The following HS6ST2 variants were observed in gnomAD, a reference collection of about 807,000 sequenced individuals.
HS6ST2 encodes heparan sulfate 6-O-sulfotransferase 2.
HS6ST2 carries 17 observed loss-of-function variants against 33.0 expected under a neutral mutation model. The ratio of observed to expected loss-of-function variants is 0.52; its 90% CI spans 0.35 to 0.77. HS6ST2 has a LOEUF of 0.77. HS6ST2 is among the 30% of genes least tolerant of loss of function. The probability of loss-of-function intolerance (pLI) is 0.01; values close to 1 mark genes in which losing one functional copy is unlikely to be tolerated. For synonymous variants in HS6ST2, 248 were observed against 237.1 expected (o/e 1.05, Z -0.42); for missense variants, 519 against 551.7 (o/e 0.94, Z 0.59).
intron 2 of HS6ST2, among the ~76,000 whole-genome samples, chrX:132,895,311 A>G (rs2066363324): frequency 1.8e-5 from 2 of 111,678 alleles, no homozygotes; most frequent in South Asian, 3.7e-4. Context: ...TAGCCTCATT[A>G]CAGAAAGCAG....
intron 2 of HS6ST2, among the ~76,000 whole-genome samples, chrX:132,938,169 A>G (rs1370232683): frequency 1.8e-5 from 2 of 109,115 alleles, no homozygotes; most frequent in Non-Finnish European, 1.9e-5. Flanking sequence ...CTCAAAAAAA[A>G]AAAAACAAAT....
intron 3 of HS6ST2, among the ~76,000 whole-genome samples, chrX:132,674,764 G>A (rs2063910466): frequency 8.9e-6 from 1 of 111,948 alleles, no homozygotes; most frequent in Non-Finnish European, 1.9e-5. Context: ...CCAATAGAAC[G>A]GTATCTAACA....
Position 132,827,413 on chromosome X carries a change from A to G in HS6ST2, c.948-118919T>C, listed in dbSNP as rs182230886. 1.4e-4 allele frequency among the ~76,000 whole-genome samples: 15 copies of G among 110,966 alleles called. No homozygotes were observed. The East Asian group carries it at 4.3e-3, about 32-fold the overall frequency. ...GATAAGTGACAGTTTGTTATGGCAC[A>G]GGATGTTACAGCAAAGGACGAGAAA... On this transcript the variant is annotated intron_variant, in intron 2 of 4. Coordinates refer to ENST00000370833, the MANE Select transcript of HS6ST2 (RefSeq NM_001394073.1).
At chrX:132,801,381 T>C (rs140387294) in intron 2 of HS6ST2, among the ~76,000 whole-genome samples, 1,184 of 112,412 alleles carry the variant, frequency 0.011, 11 homozygotes, top group African/African-American at 0.035. Flanking sequence ...CTCCTTTCTC[T>C]TGTGTTGGAT....
At chrX:132,700,623 C>A (rs181174516) in intron 3 of HS6ST2, among the ~76,000 whole-genome samples, 1 of 108,440 alleles carries the variant, frequency 9.2e-6, no homozygotes, top group African/African-American at 3.4e-5. Flanking sequence ...GATGAAAAAC[C>A]ATACAGAATA....
At chrX:132,882,063 C>T (rs1425589509) in intron 2 of HS6ST2, among the ~76,000 whole-genome samples, 1 of 111,574 alleles carries the variant, frequency 9.0e-6, no homozygotes, top group Non-Finnish European at 1.9e-5. Context: ...TAGCGTGATG[C>T]CTCCAGCCTT....
intron 2 of HS6ST2, among the ~76,000 whole-genome samples, chrX:132,913,016 A>G (rs1359453598): frequency 9.1e-6 from 1 of 110,341 alleles, no homozygotes; most frequent in Non-Finnish European, 1.9e-5. Context: ...TCACAAACCA[A>G]TCAGCGTGCA....
intron 4 of HS6ST2, among the ~76,000 whole-genome samples, chrX:132,656,267 GA>G (rs1322885595): frequency 9.1e-6 from 1 of 110,232 alleles, no homozygotes; most frequent in African/African-American, 3.3e-5. Flanking sequence ...TTGCAGAATT[GA>G]GAAAGGGGAC....
intron 2 of HS6ST2, among the ~76,000 whole-genome samples, chrX:132,832,727 T>C (rs1332980102): frequency 1.8e-5 from 2 of 112,116 alleles, no homozygotes; most frequent in African/African-American, 6.5e-5. Flanking sequence ...TACTAACTTA[T>C]ATACACTGTT....
chrX:132,751,328 T>C (rs2064705976), intron 2 of HS6ST2, among the ~76,000 whole-genome samples: 1 of 111,592 alleles, frequency 9.0e-6, no homozygotes. Context: ...CATCTAGTCT[T>C]CAGCTGCACA....
chrX:132,724,825 T>C (rs921305953), intron 2 of HS6ST2, among the ~76,000 whole-genome samples: 1 of 111,581 alleles, frequency 9.0e-6, no homozygotes, highest in African/African-American at 3.3e-5. Context: ...TGGAACAGAA[T>C]AGAGGACCCC....
intron 2 of HS6ST2, among the ~76,000 whole-genome samples, chrX:132,933,168 A>T (rs1165705620): frequency 9.2e-6 from 1 of 108,956 alleles, no homozygotes; most frequent in Non-Finnish European, 1.9e-5. Context: ...TCTCTACTAA[A>T]AATACAAAAA....
At chrX:132,884,720 G>T (rs5975360) in intron 2 of HS6ST2, among the ~76,000 whole-genome samples, 7 of 109,923 alleles carry the variant, frequency 6.4e-5, no homozygotes, top group Non-Finnish European at 1.1e-4. Flanking sequence ...AGTGTTAAAG[G>T]TAACTGAAGG....
intron 2 of HS6ST2, chrX:132,708,725 C>T: frequency 1.3e-5 from 4 of 314,755 alleles, no homozygotes; most frequent in Non-Finnish European, 1.7e-5. Flanking sequence ...AGAGCCAGAT[C>T]CCTGGAGTGC....
At position 132,627,313 on chromosome X, in the gene HS6ST2, C is replaced by T. The variant is rs1426663189; in HGVS notation, c.*910G>A. On this transcript the variant is annotated 3_prime_UTR_variant, in exon 5 of 5. Coordinates refer to ENST00000370833, the MANE Select transcript of HS6ST2 (RefSeq NM_001394073.1). ...GACTTTAATCCAGGATTATATACCA[C>T]AATAACTTCAGCAACACACCATTTA... 8.9e-6 allele frequency: 1 copy of T among 112,209 alleles called. No individual in the cohort carries two copies. Among genetic ancestry groups the T allele is most frequent in the East Asian group, 2.8e-4 (1 of 3,600 alleles). 9.2% of individuals were successfully genotyped at this position (112,209 alleles called of 1,213,427 possible).
chrX:132,796,235 C>G (rs1308996387), intron 2 of HS6ST2, among the ~76,000 whole-genome samples: 1 of 112,253 alleles, frequency 8.9e-6, no homozygotes, highest in Non-Finnish European at 1.9e-5. Flanking sequence ...GACTGATTGC[C>G]TATGGATCTG....
intron 2 of HS6ST2, among the ~76,000 whole-genome samples, chrX:132,870,498 C>A (rs777148724): frequency 9.0e-6 from 1 of 111,484 alleles, no homozygotes; most frequent in African/African-American, 3.3e-5. Context: ...GGAGGCATCA[C>A]GCTACCTGAC....
chrX:132,825,913 C>A (rs942919058), intron 2 of HS6ST2, among the ~76,000 whole-genome samples: 1 of 111,968 alleles, frequency 8.9e-6, no homozygotes, highest in Non-Finnish European at 1.9e-5. Flanking sequence ...AAGCTGTCTC[C>A]CCCACATGAA....
At chrX:132,849,145 A>G in intron 2 of HS6ST2, among the ~76,000 whole-genome samples, 1 of 112,020 alleles carries the variant, frequency 8.9e-6, no homozygotes, top group Non-Finnish European at 1.9e-5. Flanking sequence ...TCTCTGTTGT[A>G]ATTTTTAATA....
Sources: allele counts gnomAD v4.1 joint callset (sites outside exome capture counted in the v4.1 genomes callset), GRCh38; gene constraint gnomAD v4.1.1; transcripts MANE v1.5; gene names NCBI Gene and HGNC (gene_info 2026-07-23, HGNC 2026-07-21).